Variants in TRMT9B observed in about 807,000 individuals in gnomAD.
The protein encoded by TRMT9B is tRNA methyltransferase 9B (putative).
A neutral mutation model predicts 11.5 loss-of-function variants in TRMT9B; 16 were observed. The observed-to-expected ratio is 1.39, with a 90% CI of 0.94 to 2.11. TRMT9B has a LOEUF of 2.11. Ranked by LOEUF, TRMT9B falls within the 30% of genes most tolerant of loss-of-function variation. TRMT9B has a pLI of 0.00. For synonymous variants in TRMT9B, 274 were observed against 192.4 expected, an observed-to-expected ratio of 1.42 and a Z score of -3.51; for missense variants, 941 against 553.8, an observed-to-expected ratio of 1.70 and a Z score of -7.02.
At chr8:12,996,424 T>G (rs543134723) in intron 2 of TRMT9B, among the ~76,000 whole-genome samples, 31 of 152,350 alleles carry the variant, frequency 2.0e-4, no homozygotes, top group African/African-American at 6.3e-4. Flanking sequence ...AAGTTACTTA[T>G]TTCTTCAGTT....
intron 1 of TRMT9B, chr8:12,952,186 C>T (rs987162443): frequency 2.4e-5 from 11 of 455,062 alleles, no homozygotes; most frequent in Non-Finnish European, 3.5e-5. Flanking sequence ...GTCGCCACAC[C>T]GTGCGGAAAG....
intron 2 of TRMT9B, among the ~76,000 whole-genome samples, chr8:13,002,021 A>T (rs1327453577): frequency 1.3e-5 from 2 of 152,234 alleles, no homozygotes; most frequent in Non-Finnish European, 2.9e-5. Flanking sequence ...AATCCGCAGC[A>T]TTTAAAATTT....
rs548893322 is a variant in TRMT9B, at chr8:12,989,223, A to G, written c.-199-1611A>G. Among the ~76,000 whole-genome samples the G allele has an allele frequency of 2.6e-5, 4 of 152,316 alleles. No homozygotes were observed. In the East Asian group the frequency reaches 7.7e-4, roughly 29 times the overall value. ...AGAAGATGGCCTCCTGTTTAGTCAA[A>G]GAGAAGAGAAGAAGAAATGTGTTTC... On this transcript the variant is annotated intron_variant, in intron 1 of 4. Transcript: ENST00000524591.
At chr8:12,993,394 A>C (rs1298878320) in intron 2 of TRMT9B, among the ~76,000 whole-genome samples, 1 of 152,228 alleles carries the variant, frequency 6.6e-6, no homozygotes, top group Admixed American at 6.5e-5. Flanking sequence ...CACATGTGCT[A>C]TGTGGTTTAC....
At chr8:12,967,402 A>G (rs1802966874) in intron 1 of TRMT9B, among the ~76,000 whole-genome samples, 1 of 152,236 alleles carries the variant, frequency 6.6e-6, no homozygotes. Context: ...TAGCTCCCCT[A>G]CAAAGACTGA....
chr8:12,948,638 A>G (rs1396232812), intron 1 of TRMT9B, among the ~76,000 whole-genome samples: 8 of 151,734 alleles, frequency 5.3e-5, no homozygotes, highest in Non-Finnish European at 1.0e-4. Context: ...TAACTAAGCA[A>G]CACACAGTGA....
chr8:12,950,426 T>A (rs1223044663), intron 1 of TRMT9B, among the ~76,000 whole-genome samples: 1 of 152,212 alleles, frequency 6.6e-6, no homozygotes, highest in Non-Finnish European at 1.5e-5. Context: ...ACGTCTTCTG[T>A]GTCCGAAGAC....
intron 1 of TRMT9B, among the ~76,000 whole-genome samples, chr8:12,957,012 G>T (rs55861819): frequency 0.031 from 4,650 of 152,254 alleles, 89 homozygotes; most frequent in African/African-American, 0.041. Flanking sequence ...TGGAAAATGA[G>T]AGAAAATATT....
At chr8:12,972,029 A>G (rs1188940454) in intron 1 of TRMT9B, among the ~76,000 whole-genome samples, 3 of 152,212 alleles carry the variant, frequency 2.0e-5, no homozygotes, top group South Asian at 2.1e-4. Context: ...TTTGCACAAT[A>G]GCGCAAAAAT....
At chr8:12,985,669 C>G (rs1297915058) in intron 1 of TRMT9B, among the ~76,000 whole-genome samples, 1 of 152,084 alleles carries the variant, frequency 6.6e-6, no homozygotes, top group East Asian at 1.9e-4. Context: ...CAACATTTCT[C>G]AAATTAAATT....
At chr8:13,003,987 G>T (rs1202585975) in intron 2 of TRMT9B, among the ~76,000 whole-genome samples, 1 of 151,762 alleles carries the variant, frequency 6.6e-6, no homozygotes, top group Non-Finnish European at 1.5e-5. Flanking sequence ...GAGAATCTGT[G>T]CTTAGGGGAG....
chr8:12,952,658 A>T, intron 1 of TRMT9B: 1 of 983,916 alleles, frequency 1.0e-6, no homozygotes, highest in Non-Finnish European at 1.2e-6. Flanking sequence ...AAGTTTTCAA[A>T]GCTCACGATG....
chr8:12,988,785 C>G (rs937183043), intron 1 of TRMT9B, among the ~76,000 whole-genome samples: 1 of 152,078 alleles, frequency 6.6e-6, no homozygotes, highest in Admixed American at 6.6e-5. Context: ...ACAGCCAAAC[C>G]ATATCAATTC....
intron 3 of TRMT9B, chr8:13,010,670 T>G (rs1811420443): frequency 3.0e-6 from 3 of 984,454 alleles, no homozygotes; most frequent in Middle Eastern, 1.0e-3. Flanking sequence ...ATTCTAAAGA[T>G]GTATGAGTCT....
intron 1 of TRMT9B, among the ~76,000 whole-genome samples, chr8:12,966,936 T>A (rs183722487): frequency 1.7e-3 from 254 of 152,326 alleles, no homozygotes; most frequent in African/African-American, 6.0e-3. Context: ...TTTCCATGTT[T>A]ACATTATGAG....
intron 1 of TRMT9B, among the ~76,000 whole-genome samples, chr8:12,950,009 C>T (rs570521244): frequency 6.6e-6 from 1 of 152,168 alleles, no homozygotes; most frequent in African/African-American, 2.4e-5. Flanking sequence ...TGCACCACCA[C>T]GCCCAGCTAA....
intron 4 of TRMT9B, among the ~76,000 whole-genome samples, chr8:13,020,591 G>T (rs902891457): frequency 2.6e-5 from 4 of 152,088 alleles, no homozygotes; most frequent in Non-Finnish European, 1.5e-5. Flanking sequence ...TTAAAACAAT[G>T]AATTACCTCA....
chr8:12,973,526 A>C (rs1803952284), intron 1 of TRMT9B, among the ~76,000 whole-genome samples: 1 of 152,218 alleles, frequency 6.6e-6, no homozygotes. Flanking sequence ...TGCTACTTTC[A>C]CTGAAGAGAG....
intron 3 of TRMT9B, chr8:13,011,931 T>C: frequency 7.1e-6 from 7 of 985,338 alleles, no homozygotes; most frequent in Non-Finnish European, 8.4e-6. Context: ...TGTTGACAGT[T>C]GTTTGTTTTG....
Sources: gnomAD v4.1 joint callset for allele counts (sites outside exome capture counted in the v4.1 genomes callset) on GRCh38, gnomAD v4.1.1 for gene constraint, MANE v1.5 for transcripts, NCBI Gene and HGNC (gene_info 2026-07-23, HGNC 2026-07-21) for gene names.